Variants in EXT1 observed in about 807,000 individuals in gnomAD.
The protein encoded by EXT1 is exostosin glycosyltransferase 1.
In EXT1, 20 loss-of-function variants were observed where a neutral mutation model predicts 82.5. That is an observed-to-expected ratio of 0.24 (90% CI 0.17 to 0.35). The LOEUF (loss-of-function observed/expected upper bound fraction) is 0.35. Ranked by LOEUF, EXT1 falls within the 10% of genes least tolerant of loss-of-function variation. EXT1 has a pLI of 1.00. For missense variants in EXT1, 757 were observed against 936.5 expected, an observed-to-expected ratio of 0.81 and a Z score of 2.50; for synonymous variants, 348 against 350.8, an observed-to-expected ratio of 0.99 and a Z score of 0.09.
intron 1 of EXT1, among the ~76,000 whole-genome samples, chr8:117,904,955 G>C (rs1170893299): frequency 6.6e-6 from 1 of 152,156 alleles, no homozygotes; most frequent in Non-Finnish European, 1.5e-5. Flanking sequence ...CTCACTTTGT[G>C]AAAACTGGTC....
In EXT1 at chr8:117,799,575, T is replaced by C. The variant is rs1823132458; in HGVS notation, c.*137A>G. The stretch of plus-strand genomic sequence containing the variant: ...GTTGAGTTCTCATTGGCCTTTTTTT[T>C]TTTGTCATTCTGCTCATCTAAGTTT... On this transcript the variant is annotated 3_prime_UTR_variant, in exon 11 of 11. Transcript: ENST00000378204. 4.0e-6 allele frequency: 4 copies of C among 997,260 alleles called. No homozygotes were observed. The highest frequency in any genetic ancestry group is 6.0e-6 in the Non-Finnish European group (4 of 662,310). 61.8% of individuals were successfully genotyped at this position (997,260 alleles called of 1,614,324 possible).
chr8:118,110,187 T>G lies in EXT1; in HGVS notation c.860A>C (p.His287Pro). ...GAGGAGCACAACGTCCTCCCCGTTATGGACGTGATATAAGGCATTCCTGGT... is the reference window on the plus strand; with the variant it reads ...GAGGAGCACAACGTCCTCCCCGTTAGGGACGTGATATAAGGCATTCCTGGT... ...SDTRNALYHV[H>P]NGEDVVLLTT... Residue 287 changes from histidine (H) to proline (P), a missense_variant, in exon 1 of 11, where the codon CAT becomes CCT. Physicochemically the swap from His to Pro is moderately conservative, Grantham distance 77. Transcript: ENST00000378204. The G allele has an allele frequency of 6.2e-7, 1 of 1,614,244 alleles. No individual in the cohort carries two copies. Among genetic ancestry groups the G allele is most frequent in the Non-Finnish European group, 8.5e-7 (1 of 1,180,038 alleles).
chr8:118,108,555 C>T (rs1161550064), intron 1 of EXT1, among the ~76,000 whole-genome samples: 1 of 152,238 alleles, frequency 6.6e-6, no homozygotes, highest in Non-Finnish European at 1.5e-5. Flanking sequence ...CACATTCATA[C>T]ATAACTGCCC....
At chr8:117,942,918 T>C (rs1056333270) in intron 1 of EXT1, among the ~76,000 whole-genome samples, 1 of 152,180 alleles carries the variant, frequency 6.6e-6, no homozygotes, top group Non-Finnish European at 1.5e-5. Flanking sequence ...CCTGGGGAAA[T>C]ACAGAGCTTC....
intron 1 of EXT1, among the ~76,000 whole-genome samples, chr8:117,999,607 G>T (rs1815616791): frequency 1.3e-5 from 2 of 152,008 alleles, no homozygotes; most frequent in Admixed American, 1.3e-4. Context: ...AATTTTGTGG[G>T]GCTTACACAA....
intron 1 of EXT1, among the ~76,000 whole-genome samples, chr8:117,911,235 A>G (rs1317562604): frequency 6.6e-6 from 1 of 152,218 alleles, no homozygotes; most frequent in Admixed American, 6.5e-5. Flanking sequence ...CAATGGCAGG[A>G]AAAGATCATA....
At chr8:117,927,775 G>C (rs1813979958) in intron 1 of EXT1, among the ~76,000 whole-genome samples, 1 of 152,182 alleles carries the variant, frequency 6.6e-6, no homozygotes, top group South Asian at 2.1e-4. Context: ...TGTCTTCTCA[G>C]AAGGGTGCCA....
At chr8:118,091,951 C>T (rs893709570) in intron 1 of EXT1, among the ~76,000 whole-genome samples, 3 of 152,028 alleles carry the variant, frequency 2.0e-5, no homozygotes, top group Non-Finnish European at 2.9e-5. Flanking sequence ...TCTTGGAGAC[C>T]CACTATAAAC....
intron 1 of EXT1, among the ~76,000 whole-genome samples, chr8:117,938,150 C>A (rs1814203115): frequency 6.6e-6 from 1 of 152,126 alleles, no homozygotes; most frequent in Non-Finnish European, 1.5e-5. Flanking sequence ...CTTGTCTAGC[C>A]CCATGGGGTG....
At chr8:117,861,084 A>C (rs1812675897) in intron 1 of EXT1, among the ~76,000 whole-genome samples, 1 of 152,200 alleles carries the variant, frequency 6.6e-6, no homozygotes, top group Non-Finnish European at 1.5e-5. Context: ...TACCCACTGG[A>C]ACTATTACTC....
intron 1 of EXT1, among the ~76,000 whole-genome samples, chr8:117,858,773 G>GC (rs1812617373): frequency 7.9e-6 from 1 of 125,940 alleles, no homozygotes; most frequent in South Asian, 2.6e-4. Context: ...AGGAAGGCAG[G>GC]CAGGCAGGCA....
chr8:117,915,208 T>C (rs1355803063), intron 1 of EXT1, among the ~76,000 whole-genome samples: 1 of 152,230 alleles, frequency 6.6e-6, no homozygotes, highest in Non-Finnish European at 1.5e-5. Flanking sequence ...TCCCCTGATA[T>C]TCCACTAAGA....
At chr8:118,085,228 T>C (rs776578660) in intron 1 of EXT1, among the ~76,000 whole-genome samples, 19 of 152,198 alleles carry the variant, frequency 1.2e-4, no homozygotes, top group Non-Finnish European at 2.8e-4. Context: ...ACCTATTTGC[T>C]ACAGCCTTGG....
intron 1 of EXT1, among the ~76,000 whole-genome samples, chr8:117,906,099 C>T (rs1813538887): frequency 6.6e-6 from 1 of 152,210 alleles, no homozygotes; most frequent in Admixed American, 6.5e-5. Context: ...TTGCATGACT[C>T]TTGGCTTGGT....
chr8:117,945,499 T>TTTTTA (rs942771230), intron 1 of EXT1, among the ~76,000 whole-genome samples: 1 of 152,104 alleles, frequency 6.6e-6, no homozygotes, highest in Non-Finnish European at 1.5e-5. Context: ...TGCTCTGTGG[T>TTTTTA]TTTTATTTTA....
chr8:117,982,555 A>G (rs1815231113), intron 1 of EXT1, among the ~76,000 whole-genome samples: 1 of 152,094 alleles, frequency 6.6e-6, no homozygotes, highest in African/African-American at 2.4e-5. Context: ...CAGTGGCACA[A>G]TCTCGGCTCA....
intron 1 of EXT1, among the ~76,000 whole-genome samples, chr8:117,993,525 G>A (rs1361672192): frequency 6.6e-6 from 1 of 152,182 alleles, no homozygotes; most frequent in African/African-American, 2.4e-5. Context: ...CCTATAATAT[G>A]CCTTAAGTTT....
At chr8:118,056,792 C>T (rs1816801636) in intron 1 of EXT1, among the ~76,000 whole-genome samples, 1 of 152,156 alleles carries the variant, frequency 6.6e-6, no homozygotes, top group Non-Finnish European at 1.5e-5. Context: ...GGAGTTCTAC[C>T]AGAGAAGAGA....
chr8:117,808,696 C>CAA (rs751500887), intron 8 of EXT1, among the ~76,000 whole-genome samples: 6 of 152,270 alleles, frequency 3.9e-5, no homozygotes, highest in Non-Finnish European at 7.4e-5. Context: ...CCTGCCCTCT[C>CAA]AGAGGTTCCA....
Sources: gnomAD v4.1 joint callset for allele counts (sites outside exome capture counted in the v4.1 genomes callset) on GRCh38, gnomAD v4.1.1 for gene constraint, MANE v1.5 for transcripts, NCBI Gene and HGNC (gene_info 2026-07-23, HGNC 2026-07-21) for gene names.